The following GALNTL6 variants were observed in gnomAD, a reference collection of about 807,000 sequenced individuals.
GALNTL6 encodes polypeptide N-acetylgalactosaminyltransferase-like 6.
GALNTL6 carries 46 observed loss-of-function variants against 73.7 expected under a neutral mutation model. The observed-to-expected ratio is 0.62, with a 90% confidence interval of 0.49 to 0.80. GALNTL6 has a LOEUF of 0.80. Among genes scored for constraint, GALNTL6 ranks in the 30% least tolerant of loss-of-function variants. The pLI is 0.00. For synonymous variants in GALNTL6, 259 were observed against 263.7 expected (o/e 0.98, Z 0.17); for missense variants, 604 against 755.0 (o/e 0.80, Z 2.34).
intron 5 of GALNTL6, among the ~76,000 whole-genome samples, chr4:172,352,658 T>C (rs1741980314): frequency 6.6e-6 from 1 of 152,158 alleles, no homozygotes; most frequent in African/African-American, 2.4e-5. Context: ...GAACTTTGCA[T>C]GCTTAGATGA....
At chr4:172,702,308 C>T (rs11132957) in intron 5 of GALNTL6, among the ~76,000 whole-genome samples, 64,776 of 151,770 alleles carry the variant, frequency 0.43, 16,033 homozygotes, top group East Asian at 0.69. Context: ...ATATTTATGC[C>T]TTCATTTAGT....
intron 2 of GALNTL6, among the ~76,000 whole-genome samples, chr4:171,854,508 G>A (rs1484741851): frequency 1.3e-5 from 2 of 152,198 alleles, no homozygotes; most frequent in African/African-American, 4.8e-5. Context: ...TTGTACACAG[G>A]TGTTAGATAG....
chr4:172,278,220 T>G (rs1322936517), intron 3 of GALNTL6, among the ~76,000 whole-genome samples: 1 of 152,212 alleles, frequency 6.6e-6, no homozygotes, highest in African/African-American at 2.4e-5. Context: ...TTAAGTTTTT[T>G]AAGTTGAGCC....
chr4:172,311,964 C>T (rs145573786), intron 4 of GALNTL6, among the ~76,000 whole-genome samples: 66 of 152,094 alleles, frequency 4.3e-4, no homozygotes, highest in Middle Eastern at 3.4e-3. Context: ...TCTAAAAATC[C>T]AATACACATT....
At chr4:172,740,595 A>G (rs764063472) in intron 5 of GALNTL6, among the ~76,000 whole-genome samples, 2 of 152,036 alleles carry the variant, frequency 1.3e-5, no homozygotes, top group African/African-American at 2.4e-5. Context: ...AGACAAAGCA[A>G]CTCTCTCATA....
chr4:172,791,965 C>T (rs1740017862), intron 5 of GALNTL6, among the ~76,000 whole-genome samples: 1 of 152,182 alleles, frequency 6.6e-6, no homozygotes, highest in Non-Finnish European at 1.5e-5. Flanking sequence ...TAACAAGCTC[C>T]TAAGCCCTCC....
At chr4:172,857,593 C>T in intron 7 of GALNTL6, among the ~76,000 whole-genome samples, 1 of 152,148 alleles carries the variant, frequency 6.6e-6, no homozygotes, top group East Asian at 1.9e-4. Context: ...AAGTGCACTG[C>T]TGTTCTTTTT....
chr4:172,425,593 ATCACAGAATACAC>A (rs1037265191), intron 5 of GALNTL6, among the ~76,000 whole-genome samples: 27 of 152,202 alleles, frequency 1.8e-4, no homozygotes, highest in Admixed American at 1.7e-3. Context: ...GATGCTGTCT[ATCACAGAATACAC>A]CTTCTCATAA....
At chr4:172,015,474 C>A (rs1741160491) in intron 2 of GALNTL6, among the ~76,000 whole-genome samples, 1 of 152,052 alleles carries the variant, frequency 6.6e-6, no homozygotes, top group African/African-American at 2.4e-5. Context: ...ACAGCAGATA[C>A]TTGGTTGATG....
intron 2 of GALNTL6, among the ~76,000 whole-genome samples, chr4:171,994,045 T>C (rs1740414984): frequency 6.6e-6 from 1 of 152,052 alleles, no homozygotes; most frequent in Non-Finnish European, 1.5e-5. Context: ...CCCTTTATAT[T>C]GTTATGTCAT....
At chr4:172,486,565 G>C (rs1398402795) in intron 5 of GALNTL6, among the ~76,000 whole-genome samples, 1 of 152,160 alleles carries the variant, frequency 6.6e-6, no homozygotes, top group Non-Finnish European at 1.5e-5. Flanking sequence ...ATTAGAAACT[G>C]TCATTCCACA....
chr4:172,377,559 C>T (rs1270347591), intron 5 of GALNTL6, among the ~76,000 whole-genome samples: 3 of 152,148 alleles, frequency 2.0e-5, no homozygotes, highest in Non-Finnish European at 4.4e-5. Flanking sequence ...CTTGGGCAGT[C>T]GATGGGACTG....
chr4:171,942,540 A>G (rs1738582366), intron 2 of GALNTL6, among the ~76,000 whole-genome samples: 1 of 152,214 alleles, frequency 6.6e-6, no homozygotes, highest in Admixed American at 6.5e-5. Flanking sequence ...AAAATGCTGT[A>G]GTGAAGGATT....
intron 2 of GALNTL6, among the ~76,000 whole-genome samples, chr4:172,027,449 C>T (rs1007601249): frequency 2.0e-5 from 3 of 151,934 alleles, no homozygotes; most frequent in Admixed American, 6.6e-5. Flanking sequence ...ACAAACTGTG[C>T]CCTTGTAAGA....
intron 4 of GALNTL6, among the ~76,000 whole-genome samples, chr4:172,317,502 A>C (rs1157871936): frequency 6.6e-6 from 1 of 152,216 alleles, no homozygotes; most frequent in Non-Finnish European, 1.5e-5. Flanking sequence ...TATATCATGG[A>C]GATGTAAAAT....
At chr4:172,807,512 A>G (rs1349846513) in intron 5 of GALNTL6, among the ~76,000 whole-genome samples, 1 of 152,234 alleles carries the variant, frequency 6.6e-6, no homozygotes, top group African/African-American at 2.4e-5. Flanking sequence ...AACACTGACC[A>G]GTCTCACTCA....
At chr4:172,947,873 T>C (rs1749249540) in intron 9 of GALNTL6, among the ~76,000 whole-genome samples, 1 of 152,214 alleles carries the variant, frequency 6.6e-6, no homozygotes, top group African/African-American at 2.4e-5. Flanking sequence ...TCCTATTTCC[T>C]GGAGTGGGTC....
intron 2 of GALNTL6, among the ~76,000 whole-genome samples, chr4:172,165,258 G>A (rs1734586122): frequency 6.6e-6 from 1 of 152,044 alleles, no homozygotes; most frequent in South Asian, 2.1e-4. Context: ...GATATTATGA[G>A]ATGATAGATA....
chr4:172,606,564 T>TACATATACATAGTATATGTATATATATAC (rs1738279593), intron 5 of GALNTL6, among the ~76,000 whole-genome samples: 3 of 136,304 alleles, frequency 2.2e-5, no homozygotes, highest in African/African-American at 8.4e-5. Context: ...TATATATATA[T>TACATATACATAGTATATGTATATATATAC]ACATATACAT....
Sources: allele counts gnomAD v4.1 joint callset (sites outside exome capture counted in the v4.1 genomes callset), GRCh38; gene constraint gnomAD v4.1.1; transcripts MANE v1.5; gene names NCBI Gene and HGNC (gene_info 2026-07-23, HGNC 2026-07-21).